C2: variants seen among roughly 807,000 people sequenced by gnomAD.
C2 encodes the protein complement C2, also known as C3/C5 convertase.
Under a neutral mutation model 85.2 loss-of-function variants are expected in C2, and 64 were observed. The observed-to-expected ratio is 0.75, with a 90% CI of 0.61 to 0.92. The LOEUF is 0.92. C2 is among the 40% of genes least tolerant of loss of function. The pLI is 0.00. For synonymous variants in C2, 311 were observed against 370.8 expected (o/e 0.84, Z 1.85); for missense variants, 820 against 971.6 (o/e 0.84, Z 2.07).
intron 6 of C2, chr6:31,934,892 CAGCTACTTGGG>C (rs1370381994): frequency 4.3e-6 from 1 of 233,932 alleles, no homozygotes; most frequent in East Asian, 1.8e-4. Context: ...GCCTGTAACC[CAGCTACTTGGG>C]AGGATGAGGC....
upstream of C2, among the ~76,000 whole-genome samples, chr6:31,924,555 T>G (rs1405363133): frequency 1.3e-5 from 2 of 152,154 alleles, no homozygotes; most frequent in Non-Finnish European, 2.9e-5. Flanking sequence ...ACTTGGGAGT[T>G]TTATTACTTA....
rs770996038 is a variant in C2, at chr6:31,943,420, A to G, written c.1460A>G (p.Lys487Arg). ...AAATCACCTGTTCCCCTGCAGCCCA[A>G]GAGCCAAGAGACCTGCCGGGGGGCC... is the stretch of plus-strand genomic sequence containing the variant. ...RTPWHVTIKP[K>R]SQETCRGALI... Residue 487 changes from lysine (K) to arginine (R), a missense_variant, in exon 12 of 18, where the codon AAG (lysine) becomes AGG (arginine). Physicochemically the swap from Lys to Arg is conservative, Grantham distance 26. Transcript: ENST00000299367. The surrounding 1 kb of genome is among the most constrained non-coding windows in gnomAD (Gnocchi z 6.4). 6.2e-7 allele frequency: 1 copy of G among 1,612,996 alleles called. No homozygotes were observed. Among genetic ancestry groups the G allele is most frequent in the South Asian group, 1.1e-5 (1 of 91,084 alleles).
At chr6:31,899,672 G>A, upstream of C2, 1 of 516,296 alleles carries the variant, frequency 1.9e-6, no homozygotes, top group Non-Finnish European at 3.4e-6. Flanking sequence ...ACTTCTAAGA[G>A]AAGGAAATCT....
intron 3 of C2, among the ~76,000 whole-genome samples, chr6:31,932,156 C>A (rs537268694): frequency 1.4e-5 from 2 of 139,110 alleles, no homozygotes; most frequent in Admixed American, 7.1e-5. Context: ...GGCGGCTGGC[C>A]GGGCAGAGTG....
chr6:31,942,182 G>A (rs920343730), intron 9 of C2, among the ~76,000 whole-genome samples: 1 of 146,960 alleles, frequency 6.8e-6, no homozygotes, highest in Non-Finnish European at 1.5e-5. Context: ...GTGCAATGGC[G>A]CGATCTTGGC....
At chr6:31,932,019 A>G (rs1417664647) in intron 3 of C2, among the ~76,000 whole-genome samples, 33 of 62,430 alleles carry the variant, frequency 5.3e-4, no homozygotes, top group East Asian at 1.1e-3. Context: ...TCCCGGACAG[A>G]GTGGCTGGCC....
At chr6:31,916,795 A>C (rs139354936), upstream of C2, among the ~76,000 whole-genome samples, 8 of 112,480 alleles carry the variant, frequency 7.1e-5, no homozygotes, top group Non-Finnish European at 6.8e-5. Flanking sequence ...CCTTTTGCCC[A>C]GGCTGGAGTT....
At chr6:31,905,021 A>G (rs1474827299) in intron 1 of C2, among the ~76,000 whole-genome samples, 2 of 152,056 alleles carry the variant, frequency 1.3e-5, no homozygotes. Flanking sequence ...AATCATCTAG[A>G]TCCTTGTCCC....
At chr6:31,933,826 G>A (rs201851644) in intron 4 of C2, 41 bp from the exon 5 acceptor site, 2 of 1,613,438 alleles carry the variant, frequency 1.2e-6, no homozygotes, top group African/African-American at 1.3e-5. Flanking sequence ...CGGCACACCC[G>A]GCCACTGCCC....
At chr6:31,903,750 A>C (rs1457641485) in intron 1 of C2, among the ~76,000 whole-genome samples, 5 of 152,132 alleles carry the variant, frequency 3.3e-5, no homozygotes, top group African/African-American at 1.2e-4. Context: ...CTTGAACTCA[A>C]GGGATGCTGT....
chr6:31,929,066 T>A (rs765622903), intron 3 of C2, 149 bp downstream of exon 3: 1 of 744,748 alleles, frequency 1.3e-6, no homozygotes, highest in Non-Finnish European at 2.1e-6. Flanking sequence ...TAAATTGAGG[T>A]CTACAGGTCA....
intron 3 of C2, among the ~76,000 whole-genome samples, chr6:31,929,305 T>C (rs1003325722): frequency 6.6e-6 from 1 of 152,184 alleles, no homozygotes; most frequent in Non-Finnish European, 1.5e-5. Flanking sequence ...TACTCTGACT[T>C]TGACAGACTT....
Position 31,937,467 on chromosome 6 carries a change from T to G in C2, c.1129+8T>G, listed in dbSNP as rs1173240499. Reference sequence around the variant, plus strand: ...TCATCCTTCTGACAGATGGTGGGTATCATGGTCTCTGAGTGTGTCTGGAAT... The same window carrying G: ...TCATCCTTCTGACAGATGGTGGGTAGCATGGTCTCTGAGTGTGTCTGGAAT... On this transcript the variant is annotated splice_region_variant and intron_variant, in intron 8 of 17. Transcript: ENST00000299367. 1.2e-6 allele frequency: 2 copies of G among 1,612,734 alleles called. No homozygotes were observed. The highest frequency in any genetic ancestry group is 1.7e-6 in the Non-Finnish European group (2 of 1,179,936).
At chr6:31,939,510 C>A (rs78847027) in intron 9 of C2, among the ~76,000 whole-genome samples, 190 bp downstream of exon 9, 1 of 126,432 alleles carries the variant, frequency 7.9e-6, no homozygotes, top group Non-Finnish European at 1.7e-5. Flanking sequence ...ACCTTACCTT[C>A]TTTTTTTTTT....
chr6:31,932,283 C>G (rs9267719), intron 3 of C2: 1 of 162,158 alleles, frequency 6.2e-6, no homozygotes, highest in Non-Finnish European at 1.3e-5. Context: ...GGCGGCTGGC[C>G]GGGCGGGGGG....
At chr6:31,942,220 T>G (rs2151768530) in intron 9 of C2, among the ~76,000 whole-genome samples, 1 of 149,734 alleles carries the variant, frequency 6.7e-6, no homozygotes, top group South Asian at 2.2e-4. Context: ...TCCTGGTGAT[T>G]ACAGGTGTGA....
chr6:31,932,597 TGGC>T (rs1769979521), intron 3 of C2: 5 of 145,462 alleles, frequency 3.4e-5, no homozygotes, highest in African/African-American at 9.2e-5. Context: ...CTAGATGGGA[TGGC>T]GGCCGGGCAG....
chr6:31,937,386 C>T lies in C2; in HGVS notation c.1056C>T (p.Asn352=), dbSNP rs1306840503. ...ALNSVYLMMN[N]QMRLLGMETM... ...ACAGTGTCTATCTCATGATGAACAA[C>T]CAAATGCGACTCCTCGGCATGGAAA... Residue 352 remains asparagine (N), a synonymous_variant, in exon 8 of 18, where the codon AAC becomes AAT. Coordinates refer to ENST00000299367, the MANE Select transcript of C2 (RefSeq NM_000063.6). The T allele has an allele frequency of 6.2e-7, 1 of 1,612,714 alleles. No homozygotes were observed. Among genetic ancestry groups the T allele is most frequent in the Non-Finnish European group, 8.5e-7 (1 of 1,179,960 alleles).
Position 31,928,007 on chromosome 6 carries a change from C to A in C2, c.99C>A (p.Gly33=). 1 of 1,614,194 alleles carries A rather than the reference C, an allele frequency of 6.2e-7. No homozygotes were observed. Among genetic ancestry groups the A allele is most frequent in the South Asian group, 1.1e-5 (1 of 91,088 alleles). ...SCPQNVNISG[G]TFTLSHGWAP... ...CTCAGAACGTGAATATCTCGGGTGG[C>A]ACCTTCACCCTCAGCCATGGCTGGG... The change falls in exon 2 of 18, where the codon GGC becomes GGA. Residue 33 remains glycine (G), a synonymous_variant. Transcript: ENST00000299367.
Sources: gnomAD v4.1 joint callset for allele counts (sites outside exome capture counted in the v4.1 genomes callset) on GRCh38, gnomAD v4.1.1 for gene constraint, Gnocchi (gnomAD v3.1) non-coding constraint, MANE v1.5 for transcripts, NCBI Gene and HGNC (gene_info 2026-07-23, HGNC 2026-07-21) for gene names.